Variants in ATN1 observed in about 807,000 individuals in gnomAD.
ATN1 encodes atrophin-1.
Under a neutral mutation model 85.8 loss-of-function variants are expected in ATN1, and 19 were observed. The ratio of observed to expected loss-of-function variants is 0.22; its 90% CI spans 0.15 to 0.32. The LOEUF is 0.32. ATN1 is among the 10% of genes least tolerant of loss of function. The pLI is 1.00. For synonymous variants in ATN1, 674 were observed against 657.0 expected (o/e 1.03, Z -0.39); for missense variants, 1,453 against 1,564.5 (o/e 0.93, Z 1.20).
Position 6,940,891 on chromosome 12 carries a change from G to A in ATN1, c.3226G>A (p.Val1076Met). ...TCTCTGCCCTCCAGCCTCTGCCTCG[G>A]TGCACCCTCTCATTGACCCCCTGGC... ...QDAIHAASAS[V>M]HPLIDPLASG... The change falls in exon 8 of 10, where the codon GTG becomes ATG. Residue 1076 changes from valine (V) to methionine (M), a missense_variant. Val to Met is a conservative substitution (Grantham distance 21). Transcript: ENST00000396684. 1 of 1,614,072 alleles carries A rather than the reference G, an allele frequency of 6.2e-7. No individual in the cohort carries two copies. The highest frequency in any genetic ancestry group is 8.5e-7 in the Non-Finnish European group (1 of 1,180,026).
In ATN1 at chr12:6,941,854, C is replaced by T. The variant is rs1555144757; in HGVS notation, c.*74C>T. ...ACCCCCACCCTCCCCCCACCGTGCC[C>T]TTGGCCTGCCACCCAGAGCCAAGAG... is the stretch of plus-strand genomic sequence containing the variant. On this transcript the variant is annotated 3_prime_UTR_variant, in exon 10 of 10. Coordinates refer to ENST00000396684, the MANE Select transcript of ATN1 (RefSeq NM_001940.4). This position sits in a 1 kb window ranked among gnomAD's most constrained non-coding sequence, Gnocchi z 5.9. 2 of 1,494,416 alleles carry T rather than the reference C, an allele frequency of 1.3e-6. No homozygotes were observed. Among genetic ancestry groups the T allele is most frequent in the African/African-American group, 2.8e-5 (2 of 72,550 alleles). The allele number at this position is 1,494,416 out of a possible 1,614,324, so 92.6% of individuals were successfully genotyped here. A position where few individuals can be genotyped will look rare whatever the true frequency, so the allele number is the denominator to read the frequency against.
rs781898461 is a variant in ATN1 at position 6,941,831 on chromosome 12, C to T, written c.*51C>T. 5 of 1,586,196 alleles carry T rather than the reference C, an allele frequency of 3.2e-6. No homozygotes were observed. The highest frequency in any genetic ancestry group is 3.5e-6 in the Non-Finnish European group (4 of 1,155,116). ...GCTCCTACATTGGACCTTGGAGCAC[C>T]CCCACCCTCCCCCCACCGTGCCCTT... is the stretch of plus-strand genomic sequence containing the variant. On this transcript the variant is annotated 3_prime_UTR_variant, in exon 10 of 10. Coordinates refer to ENST00000396684, the MANE Select transcript of ATN1 (RefSeq NM_001940.4). The surrounding 1 kb of genome is among the most constrained non-coding windows in gnomAD (Gnocchi z 5.9).
At chr12:6,940,296 T>G (rs1317104398) in intron 7 of ATN1, among the ~76,000 whole-genome samples, 7 of 151,784 alleles carry the variant, frequency 4.6e-5, no homozygotes, top group Non-Finnish European at 8.8e-5. Flanking sequence ...GGCTTCCTTT[T>G]TTTCTTTTGC....
chr12:6,934,252 C>A lies in ATN1; in HGVS notation c.104C>A (p.Pro35His), dbSNP rs1945502525. The change falls in exon 3 of 10, where the codon CCT becomes CAT. Residue 35 changes from proline (P) to histidine (H), a missense_variant. Pro to His is a moderately conservative substitution (Grantham distance 77, BLOSUM62 -2). This residue lies in a region of ATN1 where 130 missense variants were observed against 158.2 expected (regional missense o/e 0.82). Transcript: ENST00000396684. This position sits in a 1 kb window ranked among gnomAD's most constrained non-coding sequence, Gnocchi z 4.5. ...CTGAGATCGAGGGGCCGGGCCTCCC[C>A]TGGAGGGGTCAGCACGTCCAGCAGT... The part of the protein sequence containing the change: ...EELRSRGRAS[P>H]GGVSTSSSDG... 1 of 1,584,182 alleles carries A rather than the reference C, an allele frequency of 6.3e-7. No homozygotes were observed. The highest frequency in any genetic ancestry group is 8.5e-7 in the Non-Finnish European group (1 of 1,172,528).
At position 6,941,668 on chromosome 12, in the gene ATN1, ACCC is replaced by A; in HGVS notation, c.3540-77_3540-75del. ...GGGGGAGGGAACCCCTCCTCTCCCA[ACCC>A]CTTCGGTAAGAGGGGGCAAGGTCAG... On this transcript the variant is annotated intron_variant, in intron 9 of 9. Coordinates refer to ENST00000396684, the MANE Select transcript of ATN1 (RefSeq NM_001940.4). This position sits in a 1 kb window ranked among gnomAD's most constrained non-coding sequence, Gnocchi z 5.9. The A allele has an allele frequency of 6.3e-7, 1 of 1,586,482 alleles. No individual in the cohort carries two copies. The highest frequency in any genetic ancestry group is 1.7e-4 in the Middle Eastern group (1 of 5,996).
rs1945641014 is a variant in ATN1, at chr12:6,941,853, C to T, written c.*73C>T. On this transcript the variant is annotated 3_prime_UTR_variant, in exon 10 of 10. Coordinates refer to ENST00000396684, the MANE Select transcript of ATN1 (RefSeq NM_001940.4). The surrounding 1 kb of genome is among the most constrained non-coding windows in gnomAD (Gnocchi z 5.9). Reference sequence around the variant, plus strand: ...CACCCCCACCCTCCCCCCACCGTGCCCTTGGCCTGCCACCCAGAGCCAAGA... The same window carrying T: ...CACCCCCACCCTCCCCCCACCGTGCTCTTGGCCTGCCACCCAGAGCCAAGA... 1 of 1,491,046 alleles carries T rather than the reference C, an allele frequency of 6.7e-7. No individual in the cohort carries two copies. 92.4% of individuals were successfully genotyped at this position (1,491,046 alleles called of 1,614,324 possible). A position where few individuals can be genotyped will look rare whatever the true frequency, so the allele number is the denominator to read the frequency against.
At chr12:6,929,681 A>G (rs973943410) in intron 1 of ATN1, among the ~76,000 whole-genome samples, 8 of 152,094 alleles carry the variant, frequency 5.3e-5, no homozygotes, top group Non-Finnish European at 1.0e-4. Context: ...TTCATGTTGA[A>G]GTCTGTTGGA....
chr12:6,934,533 G>C lies in ATN1; in HGVS notation c.234G>C (p.Glu78Asp), dbSNP rs1555143355. The C allele has an allele frequency of 2.5e-6, 4 of 1,576,912 alleles. No homozygotes were observed. The highest frequency in any genetic ancestry group is 3.4e-6 in the Non-Finnish European group (4 of 1,160,628). Reference sequence around the variant, plus strand: ...AGGGTCGGAGTGAGGAGATCTCAGAGAGTGAAAGTGAGGAGACCAATGCAC... The same window carrying C: ...AGGGTCGGAGTGAGGAGATCTCAGACAGTGAAAGTGAGGAGACCAATGCAC... Reference protein sequence around the residue: ...NKQGRSEEISESESEETNAPK... With the variant: ...NKQGRSEEISDSESEETNAPK... The change falls in exon 4 of 10, where the codon GAG becomes GAC. Residue 78 changes from glutamate to aspartate, a missense_variant. By Grantham distance (45) the Glu-to-Asp change is conservative. Transcript: ENST00000396684. This position sits in a 1 kb window ranked among gnomAD's most constrained non-coding sequence, Gnocchi z 4.5.
At chr12:6,924,586 T>C (rs1375507233), upstream of ATN1, 9 of 152,462 alleles carry the variant, frequency 5.9e-5, no homozygotes, top group African/African-American at 2.2e-4. Context: ...AAGGCTAAAA[T>C]AGGTTCTAGT....
chr12:6,940,993 G>C lies in ATN1; in HGVS notation c.3328G>C (p.Glu1110Gln). 1 of 1,614,150 alleles carries C rather than the reference G, an allele frequency of 6.2e-7. No homozygotes were observed. The highest frequency in any genetic ancestry group is 8.5e-7 in the Non-Finnish European group (1 of 1,180,038). ...CCCCCTGCTTCCTCACCCTCTGCAC[G>C]AGAACGAAGTTCTTCGTCACCAGCT... ...PNPLLPHPLH[E>Q]NEVLRHQLFA... is the part of the protein sequence containing the mutation. Residue 1110 changes from glutamate to glutamine, a missense_variant, in exon 8 of 10, where the codon GAG becomes CAG. By Grantham distance (29) the Glu-to-Gln change is conservative (BLOSUM62 2). Around this residue, in one of 6 missense-constraint regions of ATN1, gnomAD observed 118 missense variants for 163.7 expected, o/e 0.72. Coordinates refer to ENST00000396684, the MANE Select transcript of ATN1 (RefSeq NM_001940.4).
Position 6,941,513 on chromosome 12 carries a change from G to A in ATN1, c.3498G>A (p.Pro1166=), listed in dbSNP as rs372616814. The change falls in exon 9 of 10, where the codon CCG becomes CCA. Residue 1166 remains proline (P), a synonymous_variant. Transcript: ENST00000396684. The surrounding 1 kb of genome is among the most constrained non-coding windows in gnomAD (Gnocchi z 5.9). ...EQQQWLHAHH[P]LHSVPLPAQE... ...AGCAGTGGCTGCATGCCCATCACCCGCTGCACAGTGTGCCGCTGCCTGCCC... is the reference window on the plus strand; with the variant it reads ...AGCAGTGGCTGCATGCCCATCACCCACTGCACAGTGTGCCGCTGCCTGCCC... 198 of 1,612,448 alleles carry A rather than the reference G, an allele frequency of 1.2e-4. No homozygotes were observed. Among genetic ancestry groups the A allele is most frequent in the African/African-American group, 1.5e-4 (11 of 74,930 alleles).
intron 1 of ATN1, among the ~76,000 whole-genome samples, chr12:6,930,637 T>C (rs1945449384): frequency 6.6e-6 from 1 of 151,464 alleles, no homozygotes. Flanking sequence ...CTAGTAAAAA[T>C]ACAAAAAAAT....
Position 6,936,800 on chromosome 12 carries a change from T to G in ATN1, c.1533T>G (p.Pro511=). 1 of 1,611,530 alleles carries G rather than the reference T, an allele frequency of 6.2e-7. No homozygotes were observed. The highest frequency in any genetic ancestry group is 8.5e-7 in the Non-Finnish European group (1 of 1,178,972). Residue 511 remains proline (P), a synonymous_variant, in exon 5 of 10, where the codon CCT becomes CCG. Coordinates refer to ENST00000396684, the MANE Select transcript of ATN1 (RefSeq NM_001940.4). ...ATCACGGAAACTCTGGGCCCCCTCC[T>G]CCTGGAGCATTTCCCCACCCACTGG... ...QQHHGNSGPP[P]PGAFPHPLEG... is the part of the protein sequence containing the mutation.
In ATN1 at chr12:6,941,329, CTTG is replaced by C. The variant is rs782000308; in HGVS notation, c.3359-42_3359-40del. The C allele has an allele frequency of 4.5e-6, 7 of 1,546,282 alleles. No individual in the cohort carries two copies. Among genetic ancestry groups the C allele is most frequent in the Admixed American group, 2.1e-5 (1 of 47,408 alleles). On this transcript the variant is annotated intron_variant, in intron 8 of 9. Coordinates refer to ENST00000396684, the MANE Select transcript of ATN1 (RefSeq NM_001940.4). This position sits in a 1 kb window ranked among gnomAD's most constrained non-coding sequence, Gnocchi z 5.9. Reference sequence around the variant, plus strand: ...GCTATCCCCTGGTCCAGAGCAGGTACTTGTTATCCGTTGGTCATATGCCCCTTG... The same window carrying C: ...GCTATCCCCTGGTCCAGAGCAGGTACTTATCCGTTGGTCATATGCCCCTTG...
rs782615018 is a variant in ATN1 at position 6,934,080 on chromosome 12, G to A, written c.27+52G>A. On this transcript the variant is annotated intron_variant, in intron 2 of 9. Transcript: ENST00000396684. The surrounding 1 kb of genome is among the most constrained non-coding windows in gnomAD (Gnocchi z 4.5). ...ATGAGGGGCGGGGCAGGCAAGCTAG[G>A]AGGAAGGGTCTAGAGAAGAAGAACA... 43 of 1,612,146 alleles carry A rather than the reference G, an allele frequency of 2.7e-5. No homozygotes were observed. The South Asian group carries it at 3.0e-4, about 11-fold the overall frequency.
Position 6,937,991 on chromosome 12 carries a change from A to T in ATN1, c.2441A>T (p.Glu814Val). 4 of 1,549,408 alleles carry T rather than the reference A, an allele frequency of 2.6e-6. No individual in the cohort carries two copies. The highest frequency in any genetic ancestry group is 1.4e-5 in the African/African-American group (1 of 73,120). Residue 814 changes from glutamate to valine, a missense_variant, in exon 6 of 10, where the codon GAA (glutamate) becomes GTA (valine). Physicochemically the swap from Glu to Val is moderately radical, Grantham distance 121. Coordinates refer to ENST00000396684, the MANE Select transcript of ATN1 (RefSeq NM_001940.4). This position sits in a 1 kb window ranked among gnomAD's most constrained non-coding sequence, Gnocchi z 6.0. ...GAGGCCGAGCAGCGCGCGCGCGAAGAAAAGGAGCGCGAGCGCGAGCGGGAA... is the reference window on the plus strand; with the variant it reads ...GAGGCCGAGCAGCGCGCGCGCGAAGTAAAGGAGCGCGAGCGCGAGCGGGAA... Reference protein sequence around the residue: ...RREAEQRAREEKERERERERE... With the variant: ...RREAEQRAREVKERERERERE...
chr12:6,937,339 C>T lies in ATN1; in HGVS notation c.2072C>T (p.Thr691Ile). ...GGGACCTTCAAGCCGGGCTCGCCCA[C>T]CGTGGGACCTGGGCCCCTGCCACCT... is the stretch of plus-strand genomic sequence containing the variant. Reference protein sequence around the residue: ...GPGTFKPGSPTVGPGPLPPAG... With the variant: ...GPGTFKPGSPIVGPGPLPPAG... The change falls in exon 5 of 10, where the codon ACC becomes ATC. Residue 691 changes from threonine to isoleucine, a missense_variant. Around this residue, in one of 6 missense-constraint regions of ATN1, gnomAD observed 990 missense variants for 914.8 expected, o/e 1.08. Transcript: ENST00000396684. The surrounding 1 kb of genome is among the most constrained non-coding windows in gnomAD (Gnocchi z 6.0). 3 of 1,557,000 alleles carry T rather than the reference C, an allele frequency of 1.9e-6. No homozygotes were observed. The highest frequency in any genetic ancestry group is 2.6e-6 in the Non-Finnish European group (3 of 1,152,110).
chr12:6,937,104 A>G lies in ATN1; in HGVS notation c.1837A>G (p.Thr613Ala). The change falls in exon 5 of 10, where the codon ACC becomes GCC. Residue 613 changes from threonine (T) to alanine (A), a missense_variant. By Grantham distance (58) the Thr-to-Ala change is moderately conservative. This residue lies in a region of ATN1 where 990 missense variants were observed against 914.8 expected (regional missense o/e 1.08). Coordinates refer to ENST00000396684, the MANE Select transcript of ATN1 (RefSeq NM_001940.4). This position sits in a 1 kb window ranked among gnomAD's most constrained non-coding sequence, Gnocchi z 6.0. ...GCCTACGGTCACCACCTCTTCGGCT[A>G]CCCTTTCCACGGTCATTGCCACCGT... ...PVPTVTTSSA[T>A]LSTVIATVAS... 6.2e-7 allele frequency: 1 copy of G among 1,611,646 alleles called. No homozygotes were observed. Among genetic ancestry groups the G allele is most frequent in the Non-Finnish European group, 8.5e-7 (1 of 1,179,872 alleles).
rs782347493 is a variant in ATN1, at chr12:6,934,012, G to C, written c.11G>C (p.Arg4Pro). The C allele has an allele frequency of 1.2e-6, 2 of 1,607,426 alleles. No individual in the cohort carries two copies. The highest frequency in any genetic ancestry group is 1.7e-5 in the Admixed American group (1 of 58,616). The change falls in exon 2 of 10, where the codon CGA becomes CCA. Residue 4 changes from arginine to proline, a missense_variant. This residue lies in a region of ATN1 where 130 missense variants were observed against 158.2 expected (regional missense o/e 0.82). Transcript: ENST00000396684. The surrounding 1 kb of genome is among the most constrained non-coding windows in gnomAD (Gnocchi z 4.5). ...TCCACAGCCTGAAGAATGAAGACAC[G>C]ACAGAATAAAGACTCGGTGAGTTAA... MKT[R>P]QNKDSMSMRS...
Sources: allele counts gnomAD v4.1 joint callset (sites outside exome capture counted in the v4.1 genomes callset), GRCh38; gene constraint gnomAD v4.1.1; regional missense constraint gnomAD v4.1.1; non-coding constraint Gnocchi (gnomAD v3.1); transcripts MANE v1.5; gene names NCBI Gene and HGNC (gene_info 2026-07-23, HGNC 2026-07-21).